UST: variants seen among roughly 807,000 people sequenced by gnomAD.
UST encodes uronyl 2-sulfotransferase.
In UST, 21 loss-of-function variants were observed where a neutral mutation model predicts 45.6. The observed-to-expected ratio is 0.46, with a 90% CI of 0.33 to 0.66. UST has a LOEUF of 0.66. UST is among the 30% of genes least tolerant of loss of function. UST has a pLI of 0.02. For missense variants in UST, 463 were observed against 512.4 expected, an observed-to-expected ratio of 0.90 and a Z score of 0.93; for synonymous variants, 215 against 200.6, an observed-to-expected ratio of 1.07 and a Z score of -0.61.
chr6:148,866,090 T>C (rs1290548899), intron 1 of UST, among the ~76,000 whole-genome samples: 1 of 152,086 alleles, frequency 6.6e-6, no homozygotes, highest in Non-Finnish European at 1.5e-5. Context: ...AATTAGACTT[T>C]AAATTCTTCC....
intron 5 of UST, among the ~76,000 whole-genome samples, chr6:149,000,930 G>A (rs1488306357): frequency 6.6e-6 from 1 of 152,116 alleles, no homozygotes; most frequent in East Asian, 1.9e-4. Context: ...GACAGATAGA[G>A]CAGTTAAGAG....
At chr6:149,049,680 G>A (rs980824942) in intron 7 of UST, among the ~76,000 whole-genome samples, 2 of 152,110 alleles carry the variant, frequency 1.3e-5, no homozygotes, top group African/African-American at 4.8e-5. Context: ...TCTCTCTTCC[G>A]TGTTCTTTTC....
intron 1 of UST, among the ~76,000 whole-genome samples, chr6:148,864,896 T>C (rs17664143): frequency 0.021 from 3,224 of 152,378 alleles, 46 homozygotes; most frequent in Non-Finnish European, 0.033. Flanking sequence ...GGCTGATGTC[T>C]ATTTTCTCCA....
chr6:148,765,740 T>C (rs1178779481), intron 1 of UST, among the ~76,000 whole-genome samples: 1 of 152,112 alleles, frequency 6.6e-6, no homozygotes, highest in Non-Finnish European at 1.5e-5. Flanking sequence ...TAAGAAATTA[T>C]AAAAGTATTA....
intron 1 of UST, among the ~76,000 whole-genome samples, chr6:148,820,635 G>C (rs1013733264): frequency 6.6e-6 from 1 of 152,024 alleles, no homozygotes; most frequent in Admixed American, 6.5e-5. Flanking sequence ...CGGATCACGA[G>C]GTCAGGAGAT....
At chr6:148,762,564 G>A (rs1439306909) in intron 1 of UST, among the ~76,000 whole-genome samples, 1 of 151,452 alleles carries the variant, frequency 6.6e-6, no homozygotes. Flanking sequence ...TAGATGCAGG[G>A]AGTATAAGTG....
chr6:148,863,832 G>T (rs777044892), intron 1 of UST, among the ~76,000 whole-genome samples: 3 of 152,168 alleles, frequency 2.0e-5, no homozygotes, highest in Non-Finnish European at 4.4e-5. Flanking sequence ...ATTGCAGAAC[G>T]GCAAATGTTC....
At chr6:148,965,812 T>G (rs1780779875) in intron 5 of UST, among the ~76,000 whole-genome samples, 1 of 152,076 alleles carries the variant, frequency 6.6e-6, no homozygotes, top group Non-Finnish European at 1.5e-5. Flanking sequence ...GTGAAATATT[T>G]TGATGATTTT....
chr6:148,933,548 G>A (rs1173574636), intron 2 of UST, among the ~76,000 whole-genome samples: 1 of 152,192 alleles, frequency 6.6e-6, no homozygotes, highest in African/African-American at 2.4e-5. Flanking sequence ...GATGTCATTT[G>A]AGAGTTGTGG....
In UST at chr6:148,934,020, CTT is replaced by C. The variant is rs1412448718; in HGVS notation, c.292-7256_292-7255del. ...GAAACACGGTAAAATCTAGTTTTAA[CTT>C]TTAAGGCGTTTTCCAGATTATATCT... On this transcript the variant is annotated intron_variant, in intron 2 of 7. Coordinates refer to ENST00000367463, the MANE Select transcript of UST (RefSeq NM_005715.3). This position sits in a 1 kb window ranked among gnomAD's most constrained non-coding sequence, Gnocchi z 4.1. Among the ~76,000 whole-genome samples, 3 of 152,156 alleles carry C rather than the reference CTT, an allele frequency of 2.0e-5. No individual in the cohort carries two copies. The East Asian group carries it at 5.8e-4, about 29-fold the overall frequency.
At chr6:148,966,094 C>CAT (rs1780791111) in intron 5 of UST, among the ~76,000 whole-genome samples, 1 of 151,824 alleles carries the variant, frequency 6.6e-6, no homozygotes, top group Non-Finnish European at 1.5e-5. Flanking sequence ...CATGGTGGCG[C>CAT]ATGCCTGTGA....
chr6:148,833,416 G>A (rs1306988451), intron 1 of UST, among the ~76,000 whole-genome samples: 5 of 152,180 alleles, frequency 3.3e-5, no homozygotes, highest in Admixed American at 2.6e-4. Flanking sequence ...GAGCCCCGGA[G>A]GCAGAGCTTG....
intron 1 of UST, among the ~76,000 whole-genome samples, chr6:148,826,733 G>A (rs989091008): frequency 6.6e-6 from 1 of 152,150 alleles, no homozygotes. Context: ...GGGCCAGGAG[G>A]GCTGCTTTCC....
chr6:148,832,096 C>T (rs769890185), intron 1 of UST, among the ~76,000 whole-genome samples: 1 of 152,152 alleles, frequency 6.6e-6, no homozygotes, highest in Non-Finnish European at 1.5e-5. Context: ...TGGATTCAAG[C>T]GATTCTGCCT....
intron 1 of UST, among the ~76,000 whole-genome samples, chr6:148,786,584 A>G (rs1776739427): frequency 6.6e-6 from 1 of 152,124 alleles, no homozygotes. Flanking sequence ...CTTTTTATGG[A>G]TGCATTGTAT....
intron 1 of UST, among the ~76,000 whole-genome samples, chr6:148,784,889 G>A (rs576097684): frequency 6.6e-5 from 10 of 152,320 alleles, no homozygotes; most frequent in African/African-American, 2.4e-4. Flanking sequence ...GCAGAGCATG[G>A]CCATGGAATA....
At chr6:148,763,419 G>C (rs1382270077) in intron 1 of UST, among the ~76,000 whole-genome samples, 1 of 151,964 alleles carries the variant, frequency 6.6e-6, no homozygotes, top group African/African-American at 2.4e-5. Context: ...AGTCCTTTGT[G>C]GGATGCATTT....
intron 5 of UST, among the ~76,000 whole-genome samples, chr6:148,965,314 T>TGTACTGAGGAGCTGACAGCCTG (rs1780766467): frequency 6.6e-6 from 1 of 152,112 alleles, no homozygotes; most frequent in African/African-American, 2.4e-5. Context: ...TTGAGAAACA[T>TGTACTGAGGAGCTGACAGCCTG]GTACTGAGGA....
chr6:148,943,033 C>T (rs180948351), intron 3 of UST, among the ~76,000 whole-genome samples: 7 of 152,172 alleles, frequency 4.6e-5, no homozygotes, highest in Admixed American at 4.6e-4. Context: ...ACAGTAGGGG[C>T]AGGTTCTCTT....
Sources: allele counts gnomAD v4.1 joint callset (sites outside exome capture counted in the v4.1 genomes callset), GRCh38; gene constraint gnomAD v4.1.1; non-coding constraint Gnocchi (gnomAD v3.1); transcripts MANE v1.5; gene names NCBI Gene and HGNC (gene_info 2026-07-23, HGNC 2026-07-21).